Variants in ZFPM1 observed in about 807,000 individuals in gnomAD.
The protein encoded by ZFPM1 is zinc finger protein, FOG family member 1, also known as zinc finger protein ZFPM1.
ZFPM1 carries 28 observed loss-of-function variants against 46.3 expected under a neutral mutation model. The ratio of observed to expected loss-of-function variants is 0.60; its 90% CI spans 0.45 to 0.83. The LOEUF is 0.83. ZFPM1 is among the 40% of genes least tolerant of loss of function. The pLI is 0.00. For missense variants in ZFPM1, 1,878 were observed against 1,432.4 expected (o/e 1.31, Z -5.02); for synonymous variants, 957 against 675.9 (o/e 1.42, Z -6.45).
At chr16:88,451,852 A>T (rs114349247), upstream of ZFPM1, among the ~76,000 whole-genome samples, 202 of 151,980 alleles carry the variant, frequency 1.3e-3, no homozygotes, top group African/African-American at 4.7e-3. Flanking sequence ...CTGTCTGTCC[A>T]TGGCAGTGGG....
intron 1 of ZFPM1, among the ~76,000 whole-genome samples, chr16:88,461,047 GGGAGGCCCTGGTGAGGACCCAGGGGCA>G (rs1907827195): frequency 9.8e-6 from 1 of 101,970 alleles, no homozygotes; most frequent in African/African-American, 5.5e-5. Flanking sequence ...ACCGAGGGGC[GGGAGGCCCTGGTGAGGACCCAGGGGCA>G]GAAGGTCTGG....
Position 88,485,894 on chromosome 16 carries a change from T to G in ZFPM1, c.41-45T>G, listed in dbSNP as rs2142372629. 1.9e-6 allele frequency: 3 copies of G among 1,585,326 alleles called. No homozygotes were observed. The South Asian group carries it at 3.3e-5, about 18-fold the overall frequency. Reference sequence around the variant, plus strand: ...AGGAGGGGTCAGGAGGCAGGAGCTGTCCCCCCAGAGCTCCTCCCGAACCCC... The same window carrying G: ...AGGAGGGGTCAGGAGGCAGGAGCTGGCCCCCCAGAGCTCCTCCCGAACCCC... On this transcript the variant is annotated intron_variant, in intron 1 of 9. Transcript: ENST00000319555.
At chr16:88,476,820 G>A (rs751969700) in intron 1 of ZFPM1, among the ~76,000 whole-genome samples, 1 of 152,206 alleles carries the variant, frequency 6.6e-6, no homozygotes, top group African/African-American at 2.4e-5. Flanking sequence ...CTTCCCAGAG[G>A]GGCAGGGAAA....
At chr16:88,493,640 CGGTG>C (rs1225527945) in intron 3 of ZFPM1, among the ~76,000 whole-genome samples, 2 of 88,668 alleles carry the variant, frequency 2.3e-5, no homozygotes, top group Non-Finnish European at 5.3e-5. Flanking sequence ...TCCCGGGGTG[CGGTG>C]AGCTGTCCCG....
In ZFPM1 at chr16:88,480,018, A is replaced by C. The variant is rs1467545379; in HGVS notation, c.41-5921A>C. 6.6e-6 allele frequency among the ~76,000 whole-genome samples: 1 copy of C among 151,634 alleles called. No homozygotes were observed. The highest frequency in any genetic ancestry group is 1.5e-5 in the Non-Finnish European group (1 of 67,934). On this transcript the variant is annotated intron_variant, in intron 1 of 9. Coordinates refer to ENST00000319555, the MANE Select transcript of ZFPM1 (RefSeq NM_153813.3). This position sits in a 1 kb window ranked among gnomAD's most constrained non-coding sequence, Gnocchi z 4.9. The stretch of plus-strand genomic sequence containing the variant: ...TCTGCGCCCAGCGCCCACTGCCAAC[A>C]CCTGGCTGAGTCCTAACGCCAGCCT...
At chr16:88,490,328 A>G (rs1909491906) in intron 3 of ZFPM1, among the ~76,000 whole-genome samples, 1 of 152,234 alleles carries the variant, frequency 6.6e-6, no homozygotes, top group African/African-American at 2.4e-5. Context: ...CTGGGATTAC[A>G]GGCGTGAGCC....
chr16:88,517,976 C>T (rs528134823), intron 4 of ZFPM1, among the ~76,000 whole-genome samples: 10 of 151,746 alleles, frequency 6.6e-5, no homozygotes, highest in South Asian at 4.2e-4. Flanking sequence ...TTTGGGAGGC[C>T]GAGGTGGGCG....
chr16:88,522,549 G>A (rs539342546), intron 4 of ZFPM1, among the ~76,000 whole-genome samples: 1 of 152,376 alleles, frequency 6.6e-6, no homozygotes, highest in African/African-American at 2.4e-5. Flanking sequence ...CGAGGTTTGG[G>A]AACGGCCTCA....
chr16:88,481,331 G>A (rs539741196), intron 1 of ZFPM1, among the ~76,000 whole-genome samples: 1 of 152,170 alleles, frequency 6.6e-6, no homozygotes, highest in Non-Finnish European at 1.5e-5. Context: ...CAGGGCGAGG[G>A]AGGCGTGGGG....
intron 6 of ZFPM1, among the ~76,000 whole-genome samples, chr16:88,531,686 G>A (rs747072560): frequency 4.6e-5 from 7 of 152,172 alleles, no homozygotes; most frequent in East Asian, 1.9e-4. Context: ...CTCACCTGGC[G>A]GTGTCCACTT....
At chr16:88,526,627 G>A (rs967208619) in intron 4 of ZFPM1, among the ~76,000 whole-genome samples, 187 bp from the exon 5 acceptor site, 1 of 152,220 alleles carries the variant, frequency 6.6e-6, no homozygotes, top group African/African-American at 2.4e-5. Flanking sequence ...AGCCCCACCG[G>A]TCAACTATGG....
At chr16:88,487,278 C>T (rs1909283636) in intron 2 of ZFPM1, among the ~76,000 whole-genome samples, 1 of 152,180 alleles carries the variant, frequency 6.6e-6, no homozygotes, top group South Asian at 2.1e-4. Flanking sequence ...CTCCACCCAG[C>T]TCCCCCACAC....
At chr16:88,491,924 G>GAGAAGA (rs1909602507) in intron 3 of ZFPM1, among the ~76,000 whole-genome samples, 2 of 152,172 alleles carry the variant, frequency 1.3e-5, no homozygotes, top group Non-Finnish European at 2.9e-5. Flanking sequence ...GTGCGTCGAT[G>GAGAAGA]GCCAGCAGGG....
intron 4 of ZFPM1, among the ~76,000 whole-genome samples, chr16:88,521,554 T>C (rs1911887782): frequency 1.7e-5 from 2 of 120,846 alleles, no homozygotes; most frequent in Admixed American, 1.7e-4. Flanking sequence ...CCCTCCCTCA[T>C]GCTGTTCCCT....
intron 3 of ZFPM1, among the ~76,000 whole-genome samples, chr16:88,508,409 G>A (rs1910775804): frequency 6.6e-6 from 1 of 152,226 alleles, no homozygotes. Flanking sequence ...ATGTGAAGGA[G>A]GCCATGACAT....
At chr16:88,495,779 G>A (rs1389173787) in intron 3 of ZFPM1, among the ~76,000 whole-genome samples, 2 of 152,190 alleles carry the variant, frequency 1.3e-5, no homozygotes, top group African/African-American at 4.8e-5. Context: ...AGCCCACTTG[G>A]GGGCCAGGGT....
intron 7 of ZFPM1, 130 bp from the exon 8 acceptor site, chr16:88,532,484 G>GA (rs1912867921): frequency 3.1e-6 from 3 of 970,008 alleles, no homozygotes; most frequent in South Asian, 1.7e-5. Context: ...GGAGGAGGAG[G>GA]GGTTTAAAGA....
At chr16:88,504,433 G>A (rs543456875) in intron 3 of ZFPM1, among the ~76,000 whole-genome samples, 8 of 152,186 alleles carry the variant, frequency 5.3e-5, no homozygotes, top group African/African-American at 1.7e-4. Flanking sequence ...CTTCCCAGGC[G>A]GGAAGACCAA....
intron 3 of ZFPM1, among the ~76,000 whole-genome samples, chr16:88,496,126 G>A (rs926209117): frequency 2.0e-5 from 3 of 152,204 alleles, no homozygotes; most frequent in African/African-American, 7.2e-5. Context: ...GCACCTGGCA[G>A]TGGCATCCAC....
Sources: allele counts gnomAD v4.1 joint callset (sites outside exome capture counted in the v4.1 genomes callset), GRCh38; gene constraint gnomAD v4.1.1; non-coding constraint Gnocchi (gnomAD v3.1); transcripts MANE v1.5; gene names NCBI Gene and HGNC (gene_info 2026-07-23, HGNC 2026-07-21).